Variants in NLGN4X observed in about 807,000 individuals in gnomAD.
The protein encoded by NLGN4X is neuroligin-4, X-linked.
A neutral mutation model predicts 40.3 loss-of-function variants in NLGN4X; 3 were observed. The ratio of observed to expected loss-of-function variants is 0.07; its 90% CI spans 0.03 to 0.19. NLGN4X has a LOEUF of 0.19. Ranked by LOEUF, NLGN4X falls within the 10% of genes least tolerant of loss-of-function variation. The probability of loss-of-function intolerance (pLI) is 1.00; values close to 1 mark genes in which losing one functional copy is unlikely to be tolerated. For synonymous variants in NLGN4X, 270 were observed against 306.8 expected (o/e 0.88, Z 1.25); for missense variants, 382 against 708.3 (o/e 0.54, Z 5.23).
chrX:6,082,912 T>C (rs1467492250), intron 2 of NLGN4X, among the ~76,000 whole-genome samples: 1 of 107,981 alleles, frequency 9.3e-6, no homozygotes, highest in Non-Finnish European at 1.9e-5. Flanking sequence ...TCTTAGGTTT[T>C]CCCAGGTGGT....
intron 1 of NLGN4X, among the ~76,000 whole-genome samples, chrX:6,225,703 T>C (rs1475491617): frequency 1.6e-5 from 1 of 64,224 alleles, no homozygotes; most frequent in African/African-American, 5.6e-5. Flanking sequence ...TTTTTTTTTT[T>C]TTTTTTTTTT....
At chrX:6,037,327 T>C (rs933482987) in intron 2 of NLGN4X, among the ~76,000 whole-genome samples, 6 of 107,424 alleles carry the variant, frequency 5.6e-5, no homozygotes, top group Non-Finnish European at 1.2e-4. Context: ...AAAATAAAAA[T>C]AAAAAAATTA....
At chrX:6,087,101 A>G (rs1009521364) in intron 2 of NLGN4X, among the ~76,000 whole-genome samples, 1 of 111,821 alleles carries the variant, frequency 8.9e-6, no homozygotes, top group African/African-American at 3.3e-5. Context: ...TGTACTTTTA[A>G]AAGTTACTCA....
At chrX:5,955,913 T>C (rs1218094480) in intron 3 of NLGN4X, among the ~76,000 whole-genome samples, 2 of 109,131 alleles carry the variant, frequency 1.8e-5, no homozygotes, top group East Asian at 5.7e-4. Flanking sequence ...TATATTTGTT[T>C]GGAAAGCAAT....
intron 3 of NLGN4X, among the ~76,000 whole-genome samples, chrX:5,964,579 T>G (rs935563077): frequency 8.9e-6 from 1 of 111,995 alleles, no homozygotes; most frequent in Non-Finnish European, 1.9e-5. Flanking sequence ...TGATCATAGC[T>G]CAGCGTATCT....
chrX:6,161,766 C>T (rs770197548), intron 1 of NLGN4X, among the ~76,000 whole-genome samples: 9 of 108,967 alleles, frequency 8.3e-5, no homozygotes, highest in East Asian at 2.9e-4. Context: ...TATATAAATA[C>T]GTGGAAAGAG....
rs754882902 is a variant in NLGN4X at position 5,890,244 on chromosome X, T to A, written c.*2573A>T. 81 of 168,051 alleles carry A rather than the reference T, an allele frequency of 4.8e-4. No homozygotes were observed. Among genetic ancestry groups the A allele is most frequent in the Admixed American group, 7.8e-4 (10 of 12,793 alleles). 13.8% of individuals were successfully genotyped at this position (168,051 alleles called of 1,213,427 possible). A position where few individuals can be genotyped will look rare whatever the true frequency, so the allele number is the denominator to read the frequency against. Reference sequence around the variant, plus strand: ...AGGACAGGATTTTTTTTTTTCTTACTTTTTTCTCATTTTTTTTCTTTTTTC... The same window carrying A: ...AGGACAGGATTTTTTTTTTTCTTACATTTTTCTCATTTTTTTTCTTTTTTC... On this transcript the variant is annotated 3_prime_UTR_variant, in exon 6 of 6. Transcript: ENST00000381095.
At chrX:6,077,118 T>G (rs1381302931) in intron 2 of NLGN4X, among the ~76,000 whole-genome samples, 1 of 112,257 alleles carries the variant, frequency 8.9e-6, no homozygotes, top group South Asian at 3.7e-4. Flanking sequence ...TCCCTGACAT[T>G]TGCACAAGTG....
At chrX:5,938,978 T>C (rs1458584308) in intron 3 of NLGN4X, among the ~76,000 whole-genome samples, 3 of 110,315 alleles carry the variant, frequency 2.7e-5, no homozygotes, top group Non-Finnish European at 3.8e-5. Context: ...TGTGTGTGTG[T>C]GTGTGTGTGT....
intron 2 of NLGN4X, chrX:6,032,843 C>A: frequency 6.2e-6 from 3 of 485,424 alleles, no homozygotes; most frequent in East Asian, 4.1e-5. Flanking sequence ...AGATGCTACC[C>A]AGAAAAAGAA....
intron 1 of NLGN4X, among the ~76,000 whole-genome samples, chrX:6,171,957 A>T: frequency 9.0e-6 from 1 of 111,046 alleles, no homozygotes; most frequent in East Asian, 2.9e-4. Flanking sequence ...GAAAGGCTGT[A>T]GCACGTCCTC....
chrX:6,083,101 G>A (rs1569227622), intron 2 of NLGN4X, among the ~76,000 whole-genome samples: 3 of 102,604 alleles, frequency 2.9e-5, no homozygotes, highest in African/African-American at 1.1e-4. Flanking sequence ...TGGGACTACA[G>A]GTGCCCGCCA....
At chrX:6,100,512 GA>G (rs1054295340) in intron 2 of NLGN4X, among the ~76,000 whole-genome samples, 7 of 112,326 alleles carry the variant, frequency 6.2e-5, no homozygotes, top group African/African-American at 1.9e-4. Flanking sequence ...CTGAGTGTTG[GA>G]AAATACAAGA....
chrX:6,208,201 A>G (rs1000472033), intron 1 of NLGN4X, among the ~76,000 whole-genome samples: 1 of 112,161 alleles, frequency 8.9e-6, no homozygotes, highest in Non-Finnish European at 1.9e-5. Flanking sequence ...TTCACATCAA[A>G]TGTTCAAATA....
chrX:6,194,494 G>A (rs781261327), intron 1 of NLGN4X, among the ~76,000 whole-genome samples: 14 of 111,535 alleles, frequency 1.3e-4, no homozygotes, highest in African/African-American at 4.6e-4. Context: ...AGGAAAGATG[G>A]TAAGGGAAGA....
rs1051867742 is a variant in NLGN4X, at chrX:5,890,186, CT to C, written c.*2630del. The C allele has an allele frequency of 8.7e-5, 16 of 183,453 alleles. No individual in the cohort carries two copies. Among genetic ancestry groups the C allele is most frequent in the Non-Finnish European group, 1.4e-4 (14 of 100,796 alleles). 15.1% of individuals were successfully genotyped at this position (183,453 alleles called of 1,213,427 possible). A position where few individuals can be genotyped will look rare whatever the true frequency, so the allele number is the denominator to read the frequency against. On this transcript the variant is annotated 3_prime_UTR_variant, in exon 6 of 6. Coordinates refer to ENST00000381095, the MANE Select transcript of NLGN4X (RefSeq NM_181332.3). ...TAATAACCCAAGGAACCATTAAACC[CT>C]GCGTGCCTTTGAAGATCAAGAGTAA...
intron 1 of NLGN4X, among the ~76,000 whole-genome samples, chrX:6,207,527 C>T (rs982002522): frequency 1.2e-4 from 13 of 111,875 alleles, no homozygotes; most frequent in African/African-American, 3.2e-4. Flanking sequence ...AAAACACTTA[C>T]GTTTATGAGT....
chrX:5,962,926 T>TA (rs2146985622), intron 3 of NLGN4X, among the ~76,000 whole-genome samples: 1 of 104,341 alleles, frequency 9.6e-6, no homozygotes, highest in East Asian at 3.2e-4. Flanking sequence ...TGTTGTTTAT[T>TA]ACCCCCCCCC....
Position 5,890,168 on chromosome X carries a change from C to A in NLGN4X, c.*2649G>T. Reference sequence around the variant, plus strand: ...AAAAACAAAACTGCAAAATAATAACCCAAGGAACCATTAAACCCTGCGTGC... The same window carrying A: ...AAAAACAAAACTGCAAAATAATAACACAAGGAACCATTAAACCCTGCGTGC... On this transcript the variant is annotated 3_prime_UTR_variant, in exon 6 of 6. Transcript: ENST00000381095. 1.0e-5 allele frequency: 2 copies of A among 200,720 alleles called. No individual in the cohort carries two copies. The highest frequency in any genetic ancestry group is 9.0e-6 in the Non-Finnish European group (1 of 110,735). 16.5% of individuals were successfully genotyped at this position (200,720 alleles called of 1,213,427 possible).
Sources: allele counts gnomAD v4.1 joint callset (sites outside exome capture counted in the v4.1 genomes callset), GRCh38; gene constraint gnomAD v4.1.1; transcripts MANE v1.5; gene names NCBI Gene and HGNC (gene_info 2026-07-23, HGNC 2026-07-21).